PDE4D: variants seen among roughly 807,000 people sequenced by gnomAD.
The protein encoded by PDE4D is phosphodiesterase 4D.
Under a neutral mutation model 87.4 loss-of-function variants are expected in PDE4D, and 24 were observed. The observed-to-expected ratio is 0.27, with a 90% CI of 0.20 to 0.39. The LOEUF (loss-of-function observed/expected upper bound fraction) is 0.39, where lower values mean the gene tolerates loss of function less well. Among genes scored for constraint, PDE4D ranks in the 10% least tolerant of loss-of-function variants. The pLI is 1.00. For synonymous variants in PDE4D, 384 were observed against 383.2 expected, an observed-to-expected ratio of 1.00 and a Z score of -0.02; for missense variants, 714 against 1,041.0, an observed-to-expected ratio of 0.69 and a Z score of 4.32.
chr5:60,185,857 G>A (rs1267787342), intron 1 of PDE4D, among the ~76,000 whole-genome samples: 1 of 150,570 alleles, frequency 6.6e-6, no homozygotes, highest in Non-Finnish European at 1.5e-5. Flanking sequence ...TTCCAAAACA[G>A]CTTTTGTTAA....
chr5:59,230,024 C>T (rs1413508422), intron 1 of PDE4D, among the ~76,000 whole-genome samples: 6 of 152,088 alleles, frequency 3.9e-5, no homozygotes, highest in East Asian at 1.9e-4. Flanking sequence ...CGACCTCAGG[C>T]GATCCGCCTG....
At chr5:59,174,236 T>C (rs1394044010) in intron 5 of PDE4D, 1 of 152,252 alleles carries the variant, frequency 6.6e-6, no homozygotes, top group East Asian at 1.9e-4. Context: ...GATAGTTTAC[T>C]TTTTAATTTT....
Position 59,698,848 on chromosome 5 carries a change from A to G in PDE4D, c.455+194320T>C, listed in dbSNP as rs1464974961. ...CTATCATTAGTGATCACAGATCTAT[A>G]TAAGGCTGAAAAACCTAATCTCTGT... On this transcript the variant is annotated intron_variant, in intron 1 of 14. Transcript: ENST00000340635. Among the ~76,000 whole-genome samples the G allele has an allele frequency of 2.0e-5, 3 of 152,212 alleles. No individual in the cohort carries two copies. In the East Asian group the frequency reaches 5.8e-4, roughly 29 times the overall value.
At chr5:59,766,109 A>AG (rs1347742697) in intron 1 of PDE4D, among the ~76,000 whole-genome samples, 10 of 152,236 alleles carry the variant, frequency 6.6e-5, no homozygotes, top group African/African-American at 2.2e-4. Context: ...AAAATTCTCC[A>AG]TAGTGCTTAG....
chr5:59,008,107 A>G (rs1293272989), intron 6 of PDE4D, among the ~76,000 whole-genome samples: 2 of 152,044 alleles, frequency 1.3e-5, no homozygotes, highest in African/African-American at 4.8e-5. Context: ...CAGCAGCAGC[A>G]TATCTACTAC....
At chr5:59,224,348 T>C (rs894567955) in intron 1 of PDE4D, among the ~76,000 whole-genome samples, 2 of 151,328 alleles carry the variant, frequency 1.3e-5, no homozygotes, top group South Asian at 4.2e-4. Flanking sequence ...AGATGAAGGG[T>C]ATATGCTTAC....
upstream of PDE4D, among the ~76,000 whole-genome samples, chr5:59,898,459 A>G (rs1751901381): frequency 6.6e-6 from 1 of 152,220 alleles, no homozygotes; most frequent in Admixed American, 6.5e-5. Context: ...CTGCTGGAAG[A>G]ACATTCAACC....
intron 1 of PDE4D, among the ~76,000 whole-genome samples, chr5:59,546,199 CT>C (rs1451982378): frequency 6.6e-6 from 1 of 152,066 alleles, no homozygotes; most frequent in East Asian, 1.9e-4. Flanking sequence ...TGTTAAATCT[CT>C]TTTAAAATCT....
At position 60,112,828 on chromosome 5, in the gene PDE4D, T is replaced by C. The variant is rs191776055; in HGVS notation, c.42+72729A>G. Among the ~76,000 whole-genome samples, 29 of 152,210 alleles carry C rather than the reference T, an allele frequency of 1.9e-4. No individual in the cohort carries two copies. In the East Asian group the frequency reaches 3.1e-3, roughly 16 times the overall value. ...CACAGAGGAGAATGGCTCTGGGATC[T>C]TTAATCCAAGAAAAGAGAAGAAGGT... is the stretch of plus-strand genomic sequence containing the variant. On this transcript the variant is annotated intron_variant, in intron 2 of 16. Coordinates refer to the PDE4D transcript ENST00000502484.
chr5:59,065,188 G>C (rs1052916217), intron 5 of PDE4D, among the ~76,000 whole-genome samples: 2 of 151,590 alleles, frequency 1.3e-5, no homozygotes, highest in African/African-American at 4.8e-5. Context: ...CAACAAGTTG[G>C]ATGGAACTGG....
At chr5:59,563,543 A>T (rs1017957230) in intron 1 of PDE4D, among the ~76,000 whole-genome samples, 4 of 152,204 alleles carry the variant, frequency 2.6e-5, no homozygotes, top group Non-Finnish European at 5.9e-5. Flanking sequence ...TATGTACCAG[A>T]CACAGCTGTA....
Position 59,835,316 on chromosome 5 carries a change from T to A in PDE4D, c.455+57852A>T, listed in dbSNP as rs145609662. 3.7e-3 allele frequency among the ~76,000 whole-genome samples: 569 copies of A among 152,148 alleles called. 2 individuals are homozygous for A. The highest frequency in any genetic ancestry group is 6.6e-3 in the Admixed American group (101 of 15,278). On this transcript the variant is annotated intron_variant, in intron 1 of 14. Transcript: ENST00000340635. ...AGACTCATCTTCTTGGGTTCATAGA[T>A]CATCAAGAGGAGTGCAGCCTGGATT...
intron 1 of PDE4D, among the ~76,000 whole-genome samples, chr5:59,482,178 A>T (rs1804388504): frequency 1.3e-5 from 2 of 152,158 alleles, no homozygotes; most frequent in Non-Finnish European, 2.9e-5. Flanking sequence ...ACAAAATGAC[A>T]GATATTTTTT....
At chr5:60,225,786 T>G (rs1583137623) in intron 1 of PDE4D, among the ~76,000 whole-genome samples, 1 of 152,214 alleles carries the variant, frequency 6.6e-6, no homozygotes, top group South Asian at 2.1e-4. Context: ...TTAAATAGAA[T>G]AAAAATCTTA....
intron 2 of PDE4D, among the ~76,000 whole-genome samples, chr5:60,100,983 GCATA>G (rs1190246862): frequency 6.6e-6 from 1 of 152,042 alleles, no homozygotes; most frequent in Non-Finnish European, 1.5e-5. Context: ...TTGGAGCTTG[GCATA>G]GACACCAAAC....
chr5:59,566,494 T>A (rs977866716), intron 1 of PDE4D, among the ~76,000 whole-genome samples: 1 of 151,982 alleles, frequency 6.6e-6, no homozygotes, highest in African/African-American at 2.4e-5. Context: ...TTGAACCCTG[T>A]GTGTCTTTCT....
At chr5:59,931,657 G>T (rs887175655) in intron 3 of PDE4D, among the ~76,000 whole-genome samples, 1 of 150,964 alleles carries the variant, frequency 6.6e-6, no homozygotes, top group Non-Finnish European at 1.5e-5. Flanking sequence ...ACCTCTTAAA[G>T]GTCTCACTTC....
At chr5:59,368,631 C>T (rs1391594939) in intron 1 of PDE4D, among the ~76,000 whole-genome samples, 1 of 152,128 alleles carries the variant, frequency 6.6e-6, no homozygotes, top group African/African-American at 2.4e-5. Context: ...TTGGATACTT[C>T]TTGCAAAAAA....
chr5:60,406,943 A>C (rs1311939672), intron 1 of PDE4D, among the ~76,000 whole-genome samples: 1 of 152,170 alleles, frequency 6.6e-6, no homozygotes. Flanking sequence ...TAAATTCAAC[A>C]CAACTAGCCT....
Sources: gnomAD v4.1 joint callset for allele counts (sites outside exome capture counted in the v4.1 genomes callset) on GRCh38, gnomAD v4.1.1 for gene constraint, MANE v1.5 for transcripts, NCBI Gene and HGNC (gene_info 2026-07-23, HGNC 2026-07-21) for gene names.